The following PATJ variants were observed in gnomAD, a reference collection of about 807,000 sequenced individuals.
The protein encoded by PATJ is PATJ crumbs cell polarity complex component.
PATJ carries 190 observed loss-of-function variants against 224.9 expected under a neutral mutation model. The observed-to-expected ratio is 0.84, with a 90% CI of 0.75 to 0.95. The LOEUF is 0.95. Ranked by LOEUF, PATJ falls within the 40% of genes least tolerant of loss-of-function variation. The pLI, the probability that PATJ is intolerant of heterozygous loss-of-function variation, is 0.00. For missense variants in PATJ, 2,121 were observed against 2,270.3 expected (o/e 0.93, Z 1.34); for synonymous variants, 769 against 820.3 (o/e 0.94, Z 1.07).
chr1:61,811,514 G>A (rs1425657169), intron 14 of PATJ, among the ~76,000 whole-genome samples: 1 of 151,796 alleles, frequency 6.6e-6, no homozygotes, highest in Non-Finnish European at 1.5e-5. Flanking sequence ...GTGAACCACT[G>A]TGCCCAGCCA....
intron 17 of PATJ, among the ~76,000 whole-genome samples, chr1:61,840,468 ATGGT>A (rs1338499615): frequency 1.3e-5 from 2 of 151,964 alleles, no homozygotes; most frequent in African/African-American, 4.8e-5. Flanking sequence ...TTATATATAC[ATGGT>A]TATATAAGTA....
intron 33 of PATJ, among the ~76,000 whole-genome samples, chr1:62,102,448 T>C (rs887656669): frequency 2.6e-5 from 4 of 152,228 alleles, no homozygotes; most frequent in African/African-American, 7.2e-5. Context: ...GTATCACTTG[T>C]ATCTATTGTA....
At chr1:61,969,450 T>G (rs563766115) in intron 27 of PATJ, among the ~76,000 whole-genome samples, 1 of 152,280 alleles carries the variant, frequency 6.6e-6, no homozygotes, top group South Asian at 2.1e-4. Context: ...TCATTGTGAT[T>G]TTGATTTGCA....
At chr1:61,903,174 G>A (rs571316964) in intron 24 of PATJ, among the ~76,000 whole-genome samples, 21 of 152,320 alleles carry the variant, frequency 1.4e-4, no homozygotes, top group Admixed American at 6.5e-5. Flanking sequence ...TCTGGCTTCA[G>A]GGGCAGGGAT....
At chr1:62,156,407 G>A (rs1047508863) in intron 43 of PATJ, among the ~76,000 whole-genome samples, 4 of 151,790 alleles carry the variant, frequency 2.6e-5, no homozygotes, top group Non-Finnish European at 1.5e-5. Context: ...ACAGGCACCT[G>A]TAATCCCAGC....
intron 17 of PATJ, among the ~76,000 whole-genome samples, chr1:61,848,517 CT>C (rs1557751742): frequency 6.6e-6 from 1 of 152,134 alleles, no homozygotes; most frequent in Non-Finnish European, 1.5e-5. Flanking sequence ...TCCTTTGCCT[CT>C]TTGTACCCAG....
intron 1 of PATJ, 145 bp from the exon 2 acceptor site, chr1:61,762,713 G>A: frequency 4.4e-6 from 2 of 451,280 alleles, no homozygotes; most frequent in Middle Eastern, 1.3e-3. Flanking sequence ...GGTGTGTAGT[G>A]GCACCTCATT....
chr1:61,896,735 A>C (rs555212126), intron 22 of PATJ, among the ~76,000 whole-genome samples: 2 of 152,098 alleles, frequency 1.3e-5, no homozygotes, highest in Admixed American at 1.3e-4. Flanking sequence ...TCATGGGGGA[A>C]GTTTTCACAT....
chr1:62,058,846 G>T (rs1654965700), intron 31 of PATJ, among the ~76,000 whole-genome samples: 2 of 152,288 alleles, frequency 1.3e-5, no homozygotes, highest in Middle Eastern at 3.4e-3. Flanking sequence ...GTCTAACGCA[G>T]AGGTCACAAG....
rs1158627028 is a variant in PATJ at position 61,967,735 on chromosome 1, C to A, written c.3671-22433C>A. On this transcript the variant is annotated intron_variant, in intron 27 of 43. Transcript: ENST00000642238. ...TTAGAAATTTGGGTTTAGAATTGCC[C>A]ATAAGAGATTTTGGATTAATCTTAA... 2.6e-5 allele frequency among the ~76,000 whole-genome samples: 4 copies of A among 152,312 alleles called. 1 individual carries two copies. The highest frequency in any genetic ancestry group is 2.6e-4 in the Admixed American group (4 of 15,292).
At chr1:61,831,549 C>T (rs899552043) in intron 16 of PATJ, among the ~76,000 whole-genome samples, 5 of 152,200 alleles carry the variant, frequency 3.3e-5, no homozygotes, top group African/African-American at 9.7e-5. Flanking sequence ...CAAAAGAAGA[C>T]ATATACGTGG....
chr1:61,985,595 C>T (rs1302664903), intron 27 of PATJ, among the ~76,000 whole-genome samples: 5 of 152,046 alleles, frequency 3.3e-5, no homozygotes, highest in African/African-American at 1.2e-4. Flanking sequence ...CTACACTTGA[C>T]TAGCACACAA....
intron 35 of PATJ, 105 bp from the exon 36 acceptor site, chr1:62,116,427 A>G (rs1275553914): frequency 7.6e-7 from 1 of 1,320,488 alleles, no homozygotes; most frequent in South Asian, 1.5e-5. Context: ...ACAAAACTGG[A>G]AGAAGAAAGG....
intron 27 of PATJ, among the ~76,000 whole-genome samples, chr1:61,984,025 A>G (rs1644596438): frequency 6.6e-6 from 1 of 151,866 alleles, no homozygotes; most frequent in South Asian, 2.1e-4. Flanking sequence ...GAGTCTTGCT[A>G]TATTGCCCAG....
intron 27 of PATJ, among the ~76,000 whole-genome samples, chr1:61,956,896 CTG>C (rs1680517070): frequency 6.6e-6 from 1 of 152,214 alleles, no homozygotes; most frequent in Admixed American, 6.5e-5. Context: ...GGCAGATAAT[CTG>C]TGTTTTCACA....
At chr1:61,829,002 C>T (rs1375994846) in intron 16 of PATJ, among the ~76,000 whole-genome samples, 1 of 152,196 alleles carries the variant, frequency 6.6e-6, no homozygotes, top group East Asian at 1.9e-4. Flanking sequence ...TGAGCAACTT[C>T]TTAACACAAT....
rs1250333899 is a variant in PATJ, at chr1:61,822,977, G to A, written c.1716G>A (p.Val572=). The stretch of plus-strand genomic sequence containing the variant: ...CTATTCACACTCTGAGGCTTGGTGT[G>A]GAAGTGGATTCCTTTGATGGGCACC... The part of the protein sequence containing the change: ...LLPIHTLRLG[V]EVDSFDGHHY... Residue 572 remains valine, a synonymous_variant, in exon 15 of 44, where the codon GTG becomes GTA. Coordinates refer to ENST00000642238, the MANE Select transcript of PATJ (RefSeq NM_001350145.3). The A allele has an allele frequency of 6.2e-7, 1 of 1,613,950 alleles. No individual in the cohort carries two copies. The highest frequency in any genetic ancestry group is 1.3e-5 in the African/African-American group (1 of 74,906).
chr1:61,985,319 A>G (rs533328887), intron 27 of PATJ, among the ~76,000 whole-genome samples: 1 of 151,926 alleles, frequency 6.6e-6, no homozygotes, highest in African/African-American at 2.4e-5. Context: ...TCAAAAAAAA[A>G]GAAGCTGCTG....
intron 1 of PATJ, among the ~76,000 whole-genome samples, chr1:61,760,774 G>T (rs146990475): frequency 6.6e-6 from 1 of 151,234 alleles, no homozygotes; most frequent in Admixed American, 6.6e-5. Flanking sequence ...GTGCCACCAC[G>T]CCTAATTTTT....
Sources: allele counts gnomAD v4.1 joint callset (sites outside exome capture counted in the v4.1 genomes callset), GRCh38; gene constraint gnomAD v4.1.1; transcripts MANE v1.5; gene names NCBI Gene and HGNC (gene_info 2026-07-23, HGNC 2026-07-21).